Variants in ARFGAP1 observed in about 807,000 individuals in gnomAD.
The protein encoded by ARFGAP1 is ARF GTPase activating protein 1.
Under a neutral mutation model 54.0 loss-of-function variants are expected in ARFGAP1, and 26 were observed. The observed-to-expected ratio is 0.48, with a 90% CI of 0.35 to 0.67. The LOEUF (loss-of-function observed/expected upper bound fraction) is 0.67. ARFGAP1 is among the 30% of genes least tolerant of loss of function. ARFGAP1 has a pLI of 0.00. For synonymous variants in ARFGAP1, 248 were observed against 211.9 expected, an observed-to-expected ratio of 1.17 and a Z score of -1.48; for missense variants, 525 against 535.8, an observed-to-expected ratio of 0.98 and a Z score of 0.20.
chr20:63,284,782 C>T, intron 9 of ARFGAP1, 84 bp from the exon 10 acceptor site: 1 of 1,578,878 alleles, frequency 6.3e-7, no homozygotes, highest in East Asian at 2.3e-5. Flanking sequence ...GCTCGTGCTG[C>T]CCTTTGCTGG....
At chr20:63,286,502 A>C in intron 12 of ARFGAP1, 60 bp downstream of exon 12, 1 of 1,502,974 alleles carries the variant, frequency 6.7e-7, no homozygotes, top group Non-Finnish European at 9.2e-7. Context: ...CACTCCTCCT[A>C]CAGGCTCTCC....
At chr20:63,275,987 TG>T in intron 2 of ARFGAP1, 103 bp from the exon 3 acceptor site, 1 of 1,038,756 alleles carries the variant, frequency 9.6e-7, no homozygotes, top group Non-Finnish European at 1.5e-6. Context: ...CCGGCCACCC[TG>T]GGCAGCCCTC....
At position 63,278,569 on chromosome 20, in the gene ARFGAP1, C is replaced by A. The variant is rs560450512; in HGVS notation, c.531-330C>A. 2.2e-4 allele frequency: 103 copies of A among 466,280 alleles called. No homozygotes were observed. In the South Asian group the frequency reaches 2.5e-3, roughly 11 times the overall value. 28.9% of individuals were successfully genotyped at this position (466,280 alleles called of 1,614,324 possible). On this transcript the variant is annotated intron_variant, in intron 6 of 12. Coordinates refer to ENST00000370283, the MANE Select transcript of ARFGAP1 (RefSeq NM_018209.4). ...GCTAACACTTAGAAGAAAAGCATAA[C>A]ACATTTTCTGCGTGGAATCTGCTGG...
In ARFGAP1 at chr20:63,284,928, G is replaced by T. The variant is rs759211690; in HGVS notation, c.774+6G>T. ...TCAAGCCTGCGCAGGAGAAGGTAAC[G>T]GGCAGCTCCGGGTGGTTGTGCCTGG... On this transcript the variant is annotated splice_donor_region_variant and intron_variant, in intron 10 of 12. Transcript: ENST00000370283. 1.2e-6 allele frequency: 2 copies of T among 1,613,164 alleles called. No individual in the cohort carries two copies. Among genetic ancestry groups the T allele is most frequent in the East Asian group, 4.5e-5 (2 of 44,854 alleles).
chr20:63,277,590 G>C (rs1043281585), intron 5 of ARFGAP1, among the ~76,000 whole-genome samples: 5 of 152,198 alleles, frequency 3.3e-5, no homozygotes, highest in Non-Finnish European at 7.3e-5. Flanking sequence ...ATCTCCATCT[G>C]CTCACGGGGG....
chr20:63,288,398 C>G lies in ARFGAP1; in HGVS notation c.*525C>G. On this transcript the variant is annotated 3_prime_UTR_variant, in exon 13 of 13. Transcript: ENST00000370283. ...GCTCACGCTGCCATCCGACCACCCT[C>G]GGCTCCCGAGTCCACGCCTGCCTGG... 1 of 456,256 alleles carries G rather than the reference C, an allele frequency of 2.2e-6. No individual in the cohort carries two copies. The allele number at this position is 456,256 out of a possible 1,614,324, so 28.3% of individuals were successfully genotyped here. A position where few individuals can be genotyped will look rare whatever the true frequency, so the allele number is the denominator to read the frequency against.
chr20:63,274,645 G>A (rs2067189241), intron 1 of ARFGAP1, among the ~76,000 whole-genome samples: 1 of 152,156 alleles, frequency 6.6e-6, no homozygotes, highest in Non-Finnish European at 1.5e-5. Flanking sequence ...GGCTGGCAGG[G>A]ATCCAGGTCT....
chr20:63,284,441 C>T (rs2067469701), intron 9 of ARFGAP1: 1 of 1,091,362 alleles, frequency 9.2e-7, no homozygotes, highest in African/African-American at 1.6e-5. Context: ...TTCCTATGGC[C>T]CCAGCCTCCG....
At chr20:63,273,300 C>T (rs1782034710) in intron 1 of ARFGAP1, 1 of 152,250 alleles carries the variant, frequency 6.6e-6, no homozygotes, top group Admixed American at 6.5e-5. Flanking sequence ...AGGACCCTGC[C>T]CCGTCCGCTT....
At chr20:63,280,608 G>A (rs995685267) in intron 7 of ARFGAP1, among the ~76,000 whole-genome samples, 5 of 152,262 alleles carry the variant, frequency 3.3e-5, no homozygotes, top group East Asian at 1.9e-4. Context: ...ACCTCTGGCC[G>A]CTGACGGCCA....
chr20:63,279,310 A>G (rs1397661668), intron 7 of ARFGAP1: 1 of 457,550 alleles, frequency 2.2e-6, no homozygotes. Flanking sequence ...GGTTCAGGTG[A>G]TTCTCCTGCC....
In ARFGAP1 at chr20:63,277,323, G is replaced by A; in HGVS notation, c.443+18G>A. On this transcript the variant is annotated intron_variant, in intron 5 of 12. Coordinates refer to ENST00000370283, the MANE Select transcript of ARFGAP1 (RefSeq NM_018209.4). ...GTGCACCGGTAGCTGCTCCTCGTGG[G>A]GCCTTAGTACAGTTTCCACTGGGTC... is the stretch of plus-strand genomic sequence containing the variant. The A allele has an allele frequency of 6.2e-7, 1 of 1,606,132 alleles. No individual in the cohort carries two copies. Among genetic ancestry groups the A allele is most frequent in the Non-Finnish European group, 8.5e-7 (1 of 1,176,896 alleles).
Position 63,276,560 on chromosome 20 carries a change from G to A in ARFGAP1, c.251G>A (p.Arg84Gln), listed in dbSNP as rs568574915. Residue 84 changes from arginine (R) to glutamine (Q), a missense_variant, in exon 4 of 13, where the codon CGA becomes CAA. Arg to Gln is a conservative substitution (Grantham distance 43). Around this residue, in one of 3 missense-constraint regions of ARFGAP1, gnomAD observed 466 missense variants for 453.6 expected, o/e 1.03. Transcript: ENST00000370283. This position sits in a 1 kb window ranked among gnomAD's most constrained non-coding sequence, Gnocchi z 5.2. ...AAAGCTGGTGGGAATGCTAAGTTCCGAGAGTTCCTGGAGTCTCAGGAGGAT... is the reference window on the plus strand; with the variant it reads ...AAAGCTGGTGGGAATGCTAAGTTCCAAGAGTTCCTGGAGTCTCAGGAGGAT... ...KMKAGGNAKF[R>Q]EFLESQEDYD... The A allele has an allele frequency of 1.4e-5, 23 of 1,614,080 alleles. No individual in the cohort carries two copies. Among genetic ancestry groups the A allele is most frequent in the East Asian group, 6.7e-5 (3 of 44,884 alleles).
In ARFGAP1 at chr20:63,288,309, G is replaced by A. The variant is rs1468328123; in HGVS notation, c.*436G>A. On this transcript the variant is annotated 3_prime_UTR_variant, in exon 13 of 13. Coordinates refer to ENST00000370283, the MANE Select transcript of ARFGAP1 (RefSeq NM_018209.4). ...GATATTTAACTTTGGTTTTGCTCTA[G>A]TTCTTTCTTTTTGAAGAGAGTGACT... 2.1e-6 allele frequency: 1 copy of A among 468,012 alleles called. No individual in the cohort carries two copies. Among genetic ancestry groups the A allele is most frequent in the Admixed American group, 2.3e-5 (1 of 42,866 alleles). The allele number at this position is 468,012 out of a possible 1,614,324, so 29.0% of individuals were successfully genotyped here.
rs2067237977 is a variant in ARFGAP1, at chr20:63,276,370, C to T, written c.171-110C>T. 8 of 1,453,880 alleles carry T rather than the reference C, an allele frequency of 5.5e-6. No homozygotes were observed. In the South Asian group the frequency reaches 6.4e-5, roughly 12 times the overall value. 90.1% of individuals were successfully genotyped at this position (1,453,880 alleles called of 1,614,324 possible). ...AGAGTTCCAGCTGCTGGCCACTCAG[C>T]CTCCCTGCGGCTGCTGCTTGCTGTG... On this transcript the variant is annotated intron_variant, in intron 3 of 12. Transcript: ENST00000370283. This position sits in a 1 kb window ranked among gnomAD's most constrained non-coding sequence, Gnocchi z 5.2.
chr20:63,287,984 G>T lies in ARFGAP1; in HGVS notation c.*111G>T. ...CCAAGAATCAGCAACTGCAGTGTGA[G>T]GACAGCGTCTCGGGAGGCAGGACCC... On this transcript the variant is annotated 3_prime_UTR_variant, in exon 13 of 13. Transcript: ENST00000370283. 7.9e-7 allele frequency: 1 copy of T among 1,264,650 alleles called. No homozygotes were observed. 78.3% of individuals were successfully genotyped at this position (1,264,650 alleles called of 1,614,324 possible).
At chr20:63,277,394 G>T in intron 5 of ARFGAP1, 89 bp downstream of exon 5, 2 of 1,171,922 alleles carry the variant, frequency 1.7e-6, no homozygotes, top group Non-Finnish European at 2.3e-6. Context: ...CCCCTTCTTT[G>T]CTGTTGTGAC....
intron 6 of ARFGAP1, 72 bp downstream of exon 6, chr20:63,278,275 C>A: frequency 6.5e-7 from 1 of 1,529,118 alleles, no homozygotes; most frequent in Non-Finnish European, 9.0e-7. Flanking sequence ...GGTAGGGCTG[C>A]TTCCCTTGGG....
In ARFGAP1 at chr20:63,285,663, G is replaced by A. The variant is rs778094892; in HGVS notation, c.784G>A (p.Gly262Arg). ...GTCTTCATCCGTGCAGGTGAAGGAG[G>A]GAAAGATTTTTGATGATGTCTCCAG... ...LKPAQEKVKE[G>R]KIFDDVSSGV... The change falls in exon 11 of 13, where the codon GGA becomes AGA. Residue 262 changes from glycine to arginine, a missense_variant. Physicochemically the swap from Gly to Arg is moderately radical, Grantham distance 125 (BLOSUM62 -2). This residue lies in a region of ARFGAP1 where 466 missense variants were observed against 453.6 expected (regional missense o/e 1.03). Transcript: ENST00000370283. The A allele has an allele frequency of 2.5e-6, 4 of 1,613,686 alleles. No individual in the cohort carries two copies. Among genetic ancestry groups the A allele is most frequent in the African/African-American group, 1.3e-5 (1 of 75,056 alleles).
Sources: allele counts gnomAD v4.1 joint callset (sites outside exome capture counted in the v4.1 genomes callset), GRCh38; gene constraint gnomAD v4.1.1; regional missense constraint gnomAD v4.1.1; non-coding constraint Gnocchi (gnomAD v3.1); transcripts MANE v1.5; gene names NCBI Gene and HGNC (gene_info 2026-07-23, HGNC 2026-07-21).